ADCK1: variants seen among roughly 807,000 people sequenced by gnomAD.
The protein encoded by ADCK1 is aarF domain containing kinase 1.
In ADCK1, 41 loss-of-function variants were observed where a neutral mutation model predicts 52.3. The observed-to-expected ratio is 0.78, with a 90% CI of 0.61 to 1.02. The LOEUF is 1.02. Ranked by LOEUF, ADCK1 falls within the 50% of genes least tolerant of loss-of-function variation. The pLI, the probability that ADCK1 is intolerant of heterozygous loss-of-function variation, is 0.00. For synonymous variants in ADCK1, 250 were observed against 274.6 expected (o/e 0.91, Z 0.89); for missense variants, 658 against 679.5 (o/e 0.97, Z 0.35).
chr14:77,821,772 T>C (rs2081587941), intron 2 of ADCK1, among the ~76,000 whole-genome samples: 1 of 150,256 alleles, frequency 6.7e-6, no homozygotes, highest in African/African-American at 2.5e-5. Context: ...TCCCAGCTAC[T>C]TGGGAGGCTG....
chr14:77,927,196 A>C (rs2084217538), intron 9 of ADCK1, among the ~76,000 whole-genome samples: 1 of 152,200 alleles, frequency 6.6e-6, no homozygotes, highest in Non-Finnish European at 1.5e-5. Flanking sequence ...AAATGATGTC[A>C]TCAAAGAGAC....
intron 4 of ADCK1, among the ~76,000 whole-genome samples, chr14:77,860,505 C>A (rs1384766736): frequency 6.6e-6 from 1 of 152,248 alleles, no homozygotes; most frequent in African/African-American, 2.4e-5. Context: ...TGTCCCACTT[C>A]TCAGTGATAT....
At chr14:77,932,370 A>G (rs2084362118) in intron 10 of ADCK1, among the ~76,000 whole-genome samples, 1 of 152,216 alleles carries the variant, frequency 6.6e-6, no homozygotes, top group South Asian at 2.1e-4. Context: ...TAGATGCCTC[A>G]GCACCTTTGG....
Position 77,933,284 on chromosome 14 carries a change from A to G in ADCK1, c.1465A>G (p.Asn489Asp). Residue 489 changes from asparagine to aspartate, a missense_variant, in exon 11 of 11, where the codon AAC (asparagine) becomes GAC (aspartate). Asn to Asp is a conservative substitution (Grantham distance 23). Transcript: ENST00000238561. ...CCAGATCTCTTTCAGCGAGGCCTTC[A>G]ACTTATGGCAGATCAACCTCCATGA... ...RTQISFSEAF[N>D]LWQINLHELI... is the part of the protein sequence containing the mutation. 2 of 1,614,166 alleles carry G rather than the reference A, an allele frequency of 1.2e-6. No individual in the cohort carries two copies. The highest frequency in any genetic ancestry group is 1.7e-6 in the Non-Finnish European group (2 of 1,180,016).
chr14:77,832,203 C>T (rs966447676), intron 3 of ADCK1, among the ~76,000 whole-genome samples: 5 of 152,164 alleles, frequency 3.3e-5, no homozygotes, highest in African/African-American at 1.2e-4. Context: ...GTCTCGAACT[C>T]CTGACCTCAT....
At chr14:77,825,238 G>GT (rs2081668383) in intron 3 of ADCK1, among the ~76,000 whole-genome samples, 1 of 152,136 alleles carries the variant, frequency 6.6e-6, no homozygotes, top group South Asian at 2.1e-4. Context: ...GCGATGATGC[G>GT]TAGGCCTGTG....
In ADCK1 at chr14:77,859,295, G is replaced by T; in HGVS notation, c.423+16G>T. On this transcript the variant is annotated intron_variant, in intron 4 of 10. Transcript: ENST00000238561. ...GGGCAAGGAGGTACCCACCTTTGCA[G>T]GGGGGATGGGCCTTGGTTGGGATGC... The T allele has an allele frequency of 1.2e-6, 2 of 1,609,096 alleles. No homozygotes were observed. Among genetic ancestry groups the T allele is most frequent in the Non-Finnish European group, 1.7e-6 (2 of 1,177,296 alleles).
intron 5 of ADCK1, among the ~76,000 whole-genome samples, chr14:77,888,863 G>A (rs1384867819): frequency 6.6e-6 from 1 of 152,150 alleles, no homozygotes; most frequent in East Asian, 1.9e-4. Flanking sequence ...TATATACGCT[G>A]TTTCTTCTTA....
chr14:77,803,166 C>T (rs1212417058), intron 1 of ADCK1, among the ~76,000 whole-genome samples: 1 of 152,148 alleles, frequency 6.6e-6, no homozygotes, highest in Non-Finnish European at 1.5e-5. Context: ...CCCTATCACT[C>T]TCTCCAAGGG....
Position 77,925,762 on chromosome 14 carries a change from A to G in ADCK1, c.1009-2A>G, listed in dbSNP as rs2084175735. The G allele has an allele frequency of 6.2e-7, 1 of 1,613,992 alleles. No individual in the cohort carries two copies. The highest frequency in any genetic ancestry group is 8.5e-7 in the Non-Finnish European group (1 of 1,179,860). On this transcript the variant is annotated splice_acceptor_variant, in intron 8 of 10. Coordinates refer to ENST00000238561, the MANE Select transcript of ADCK1 (RefSeq NM_020421.4). LOFTEE classifies it high-confidence loss of function. ...GTCCCACCGCTGCCGCCTCCACCCT[A>G]GATGCTCACGGAAGAATTCCGCCTG...
chr14:77,822,611 A>C, intron 3 of ADCK1, 93 bp downstream of exon 3: 2 of 1,103,554 alleles, frequency 1.8e-6, no homozygotes, highest in Non-Finnish European at 2.8e-6. Context: ...CACCCCCGCA[A>C]AGTGCTGGGA....
chr14:77,804,751 C>T (rs61990718), intron 1 of ADCK1, among the ~76,000 whole-genome samples: 15,454 of 152,150 alleles, frequency 0.1, 925 homozygotes, highest in African/African-American at 0.15. Context: ...TTGATTCATT[C>T]GTTCAGTAAA....
At chr14:77,903,358 A>T (rs1040410683) in intron 6 of ADCK1, among the ~76,000 whole-genome samples, 3 of 152,256 alleles carry the variant, frequency 2.0e-5, no homozygotes, top group Non-Finnish European at 2.9e-5. Context: ...TCTGTGCATA[A>T]TTAAGCCTCC....
chr14:77,855,412 C>T (rs1188623348), intron 3 of ADCK1, among the ~76,000 whole-genome samples: 1 of 152,198 alleles, frequency 6.6e-6, no homozygotes, highest in African/African-American at 2.4e-5. Flanking sequence ...TGCCCAAGTC[C>T]ACCAGCTTCT....
At position 77,933,467 on chromosome 14, in the gene ADCK1, C is replaced by A; in HGVS notation, c.*76C>A. 1 of 1,573,336 alleles carries A rather than the reference C, an allele frequency of 6.4e-7. No individual in the cohort carries two copies. The highest frequency in any genetic ancestry group is 1.1e-5 in the South Asian group (1 of 88,610). On this transcript the variant is annotated 3_prime_UTR_variant, in exon 11 of 11. Coordinates refer to ENST00000238561, the MANE Select transcript of ADCK1 (RefSeq NM_020421.4). ...CTCATCTTGCCTCCACCCAGCTGCT[C>A]CATTTTTGCCACATCGTGGCCCGCA...
At chr14:77,806,076 T>C (rs1268763005) in intron 1 of ADCK1, among the ~76,000 whole-genome samples, 1 of 146,990 alleles carries the variant, frequency 6.8e-6, no homozygotes, top group Non-Finnish European at 1.5e-5. Context: ...TCTGGGAGGC[T>C]GAGGTGGGCG....
chr14:77,907,771 C>G, intron 6 of ADCK1, 32 bp from the exon 7 acceptor site: 1 of 1,561,666 alleles, frequency 6.4e-7, no homozygotes, highest in Non-Finnish European at 8.8e-7. Flanking sequence ...CCAGCTTCCC[C>G]AGACCATCTG....
At chr14:77,880,530 T>A (rs1315051962) in intron 4 of ADCK1, among the ~76,000 whole-genome samples, 1 of 152,210 alleles carries the variant, frequency 6.6e-6, no homozygotes, top group Non-Finnish European at 1.5e-5. Flanking sequence ...TATAATAAAT[T>A]GCTCTGAGCG....
At position 77,850,744 on chromosome 14, in the gene ADCK1, G is replaced by A. The variant is rs182668792; in HGVS notation, c.220-8332G>A. Among the ~76,000 whole-genome samples, 24 of 149,170 alleles carry A rather than the reference G, an allele frequency of 1.6e-4. No homozygotes were observed. In the East Asian group the frequency reaches 3.6e-3, roughly 22 times the overall value. On this transcript the variant is annotated intron_variant, in intron 3 of 10. Coordinates refer to ENST00000238561, the MANE Select transcript of ADCK1 (RefSeq NM_020421.4). ...CTGCTCACTGCAAACTCCACCTCCC[G>A]GATTCACGCCATTCTCCTGCCTCAG...
Sources: gnomAD v4.1 joint callset for allele counts (sites outside exome capture counted in the v4.1 genomes callset) on GRCh38, gnomAD v4.1.1 for gene constraint, MANE v1.5 for transcripts, NCBI Gene and HGNC (gene_info 2026-07-23, HGNC 2026-07-21) for gene names.